RTEL1: variants seen among roughly 807,000 people sequenced by gnomAD.
RTEL1 encodes the protein regulator of telomere length.
RTEL1 carries 86 observed loss-of-function variants against 162.2 expected under a neutral mutation model. That is an observed-to-expected ratio of 0.53 (90% confidence interval 0.45 to 0.63). The LOEUF (loss-of-function observed/expected upper bound fraction) is 0.63, where lower values mean the gene tolerates loss of function less well. Ranked by LOEUF, RTEL1 falls within the 30% of genes least tolerant of loss-of-function variation. The pLI, the probability that RTEL1 is intolerant of heterozygous loss-of-function variation, is 0.00. For synonymous variants in RTEL1, 958 were observed against 717.9 expected, an observed-to-expected ratio of 1.33 and a Z score of -5.35; for missense variants, 1,941 against 1,750.2, an observed-to-expected ratio of 1.11 and a Z score of -1.95.
intron 30 of RTEL1, among the ~76,000 whole-genome samples, chr20:63,693,543 ACCACCACCACCTCCACCT>A (rs1568720764): frequency 1.8e-4 from 4 of 21,622 alleles, no homozygotes; most frequent in South Asian, 1.2e-3. Flanking sequence ...CACCACCACC[ACCACCACCACCTCCACCT>A]CCACCACCTC....
At chr20:63,687,853 C>G in intron 17 of RTEL1, 83 bp downstream of exon 17, 2 of 1,562,008 alleles carry the variant, frequency 1.3e-6, no homozygotes, top group African/African-American at 1.4e-5. Flanking sequence ...TCCCCATGAG[C>G]CGGGTGCTGG....
At chr20:63,689,022 C>T (rs776785087) in intron 21 of RTEL1, 33 bp from the exon 22 acceptor site, 8 of 1,575,134 alleles carry the variant, frequency 5.1e-6, no homozygotes, top group Non-Finnish European at 7.0e-6. Flanking sequence ...TGGGGGGGGG[C>T]TCCAGGCTCA....
chr20:63,672,559 C>A lies in RTEL1; in HGVS notation c.703C>A (p.Arg235Ser), dbSNP rs866782181. Residue 235 changes from arginine to serine, a missense_variant, in exon 9 of 35, where the codon CGC becomes AGC. Physicochemically the swap from Arg to Ser is moderately radical, Grantham distance 110 (BLOSUM62 -1). Transcript: ENST00000360203. ...GTCCCTTCTCTTCCTCCTGTAGAGC[C>A]GCAGAGCACACAACATTGACCTGAA... The part of the protein sequence containing the change: ...PYNYLLDAKS[R>S]RAHNIDLKGT... The A allele has an allele frequency of 6.3e-7, 1 of 1,578,810 alleles. No individual in the cohort carries two copies. Among genetic ancestry groups the A allele is most frequent in the Admixed American group, 1.8e-5 (1 of 55,324 alleles).
chr20:63,681,914 G>C (rs984117311), intron 14 of RTEL1: 1 of 985,278 alleles, frequency 1.0e-6, no homozygotes, highest in Non-Finnish European at 1.2e-6. Context: ...GCCTGCCAAG[G>C]GCTGCTGTGC....
Position 63,661,480 on chromosome 20 carries a change from T to C in RTEL1, c.285T>C (p.Ala95=). The change falls in exon 3 of 35, where the codon GCT becomes GCC. Residue 95 remains alanine, a synonymous_variant. Coordinates refer to ENST00000360203, the MANE Select transcript of RTEL1 (RefSeq NM_001283009.2). This position sits in a 1 kb window ranked among gnomAD's most constrained non-coding sequence, Gnocchi z 5.1. Reference sequence around the variant, plus strand: ...CATCCTGGGGCAACGCTGCTGCTGCTGCTGGAGACCCCATAGGTGACCCTA... The same window carrying C: ...CATCCTGGGGCAACGCTGCTGCTGCCGCTGGAGACCCCATAGGTGACCCTA... ...ALSSWGNAAA[A]AGDPIACYTD... The C allele has an allele frequency of 6.2e-7, 1 of 1,611,718 alleles. No homozygotes were observed. The highest frequency in any genetic ancestry group is 1.1e-5 in the South Asian group (1 of 91,066).
chr20:63,671,192 C>T (rs886095006), intron 8 of RTEL1, among the ~76,000 whole-genome samples: 1 of 152,172 alleles, frequency 6.6e-6, no homozygotes, highest in Non-Finnish European at 1.5e-5. Context: ...TTCCGAGTAG[C>T]TGGGACTACA....
At chr20:63,667,204 A>C (rs1285905422) in intron 7 of RTEL1, among the ~76,000 whole-genome samples, 7 of 151,916 alleles carry the variant, frequency 4.6e-5, no homozygotes, top group Admixed American at 4.6e-4. Flanking sequence ...GGTTGGTTTT[A>C]CTTTTCCATC....
chr20:63,693,100 G>C (rs2090799928), intron 29 of RTEL1, 43 bp from the exon 30 acceptor site: 2 of 1,611,868 alleles, frequency 1.2e-6, no homozygotes, highest in Non-Finnish European at 8.5e-7. Flanking sequence ...CTGTTCTCTA[G>C]AGAAAAAGGG....
intron 13 of RTEL1, 88 bp from the exon 14 acceptor site, chr20:63,680,576 C>A: frequency 7.0e-7 from 1 of 1,421,306 alleles, no homozygotes; most frequent in Non-Finnish European, 9.8e-7. Flanking sequence ...GGCAGTCGGG[C>A]TGAGCGGGCT....
rs756249274 is a variant in RTEL1, at chr20:63,692,990, C to A, written c.2838C>A (p.His946Gln). ...GPLFAEDPKK[H>Q]NLLQGFYQFV... ...TCTTTGCTGAGGACCCCAAGAAGCA[C>A]AACCTGCTCCAAGGTGCCCTGGCTT... The change falls in exon 29 of 35, where the codon CAC (histidine) becomes CAA (glutamine). Residue 946 changes from histidine (H) to glutamine (Q), a missense_variant. His to Gln is a conservative substitution (Grantham distance 24, BLOSUM62 0). Coordinates refer to ENST00000360203, the MANE Select transcript of RTEL1 (RefSeq NM_001283009.2). The A allele has an allele frequency of 2.5e-6, 4 of 1,612,596 alleles. No homozygotes were observed. Among genetic ancestry groups the A allele is most frequent in the Non-Finnish European group, 3.4e-6 (4 of 1,179,806 alleles).
Position 63,670,452 on chromosome 20 carries a change from A to G in RTEL1, c.700-2104A>G, listed in dbSNP as rs368250720. ...CCGGACAGACGTTTCACCAAGGTGG[A>G]TGGAATGACCAGTTGAGCACATGGA... is the stretch of plus-strand genomic sequence containing the variant. On this transcript the variant is annotated intron_variant, in intron 8 of 34. Transcript: ENST00000360203. Among the ~76,000 whole-genome samples the G allele has an allele frequency of 1.4e-4, 21 of 151,352 alleles. 1 individual carries two copies. Among genetic ancestry groups the G allele is most frequent in the African/African-American group, 4.1e-4 (17 of 41,120 alleles).
At chr20:63,667,241 A>G (rs1178684622) in intron 7 of RTEL1, among the ~76,000 whole-genome samples, 1 of 152,086 alleles carries the variant, frequency 6.6e-6, no homozygotes, top group Non-Finnish European at 1.5e-5. Context: ...GACGATTTAC[A>G]TGGTCGGAAA....
rs753525041 is a variant in RTEL1 at position 63,690,828 on chromosome 20, G to A, written c.2437G>A (p.Glu813Lys). Residue 813 changes from glutamate (E) to lysine (K), a missense_variant, in exon 27 of 35, where the codon GAG (glutamate) becomes AAG (lysine). Glu to Lys is a moderately conservative substitution (Grantham distance 56). Transcript: ENST00000360203. ...AGGGTCACCAGCTGCCGGGGACCCC[G>A]AGAGTAGCCTGTGTGTGGAGTATGA... ...SSGSPAAGDPESSLCVEYEQE... is the reference protein window; with the variant it reads ...SSGSPAAGDPKSSLCVEYEQE... The A allele has an allele frequency of 1.6e-5, 26 of 1,605,158 alleles. No homozygotes were observed. Among genetic ancestry groups the A allele is most frequent in the Admixed American group, 3.4e-5 (2 of 59,382 alleles).
Position 63,659,273 on chromosome 20 carries a change from C to G in RTEL1, c.-130C>G, listed in dbSNP as rs770615551. On this transcript the variant is annotated 5_prime_UTR_variant, in exon 2 of 35. Coordinates refer to ENST00000360203, the MANE Select transcript of RTEL1 (RefSeq NM_001283009.2). ...ATTCTCGAAGAGAACAGCGTTGTGT[C>G]CCAGTGCACATGCTCGCATCGCTTA... 5 of 687,102 alleles carry G rather than the reference C, an allele frequency of 7.3e-6. No individual in the cohort carries two copies. The highest frequency in any genetic ancestry group is 1.3e-5 in the Non-Finnish European group (5 of 372,134). 42.6% of individuals were successfully genotyped at this position (687,102 alleles called of 1,614,324 possible). A position where few individuals can be genotyped will look rare whatever the true frequency, so the allele number is the denominator to read the frequency against.
chr20:63,691,641 C>T, intron 27 of RTEL1, 101 bp from the exon 28 acceptor site: 1 of 1,030,898 alleles, frequency 9.7e-7, no homozygotes, highest in Non-Finnish European at 1.5e-6. Context: ...CATCTTGGCT[C>T]AGGGCTCCTT....
rs1463343470 is a variant in RTEL1, at chr20:63,679,888, T to G, written c.1077T>G (p.Phe359Leu). Residue 359 changes from phenylalanine (F) to leucine (L), a missense_variant, in exon 13 of 35, where the codon TTT (phenylalanine) becomes TTG (leucine). Physicochemically the swap from Phe to Leu is conservative, Grantham distance 22. Coordinates refer to ENST00000360203, the MANE Select transcript of RTEL1 (RefSeq NM_001283009.2). ...TGTTTGCTGAAGCCCAGATCACGTT[T>G]CAGACCAAGGGCTGCATCCTGGACT... ...FELFAEAQITFQTKGCILDSL... is the reference protein window; with the variant it reads ...FELFAEAQITLQTKGCILDSL... 2 of 1,612,104 alleles carry G rather than the reference T, an allele frequency of 1.2e-6. No homozygotes were observed. Among genetic ancestry groups the G allele is most frequent in the Non-Finnish European group, 1.7e-6 (2 of 1,180,004 alleles).
chr20:63,684,702 A>T (rs1209593616), intron 14 of RTEL1, among the ~76,000 whole-genome samples: 1 of 150,008 alleles, frequency 6.7e-6, no homozygotes, highest in Non-Finnish European at 1.5e-5. Flanking sequence ...CGAACTCCTG[A>T]CCTCAGGTGA....
intron 28 of RTEL1, 39 bp from the exon 29 acceptor site, chr20:63,692,766 A>G (rs1160381316): frequency 1.3e-6 from 2 of 1,580,192 alleles, no homozygotes; most frequent in Non-Finnish European, 1.7e-6. Flanking sequence ...CCAGATGATG[A>G]GGCTGGCCCT....
chr20:63,693,104 A>C (rs752481174), intron 29 of RTEL1, 39 bp from the exon 30 acceptor site: 62 of 1,611,772 alleles, frequency 3.8e-5, no homozygotes, highest in Middle Eastern at 3.3e-4. Flanking sequence ...TCTCTAGAGA[A>C]AAAGGGGCAG....
Sources: gnomAD v4.1 joint callset for allele counts (sites outside exome capture counted in the v4.1 genomes callset) on GRCh38, gnomAD v4.1.1 for gene constraint, Gnocchi (gnomAD v3.1) non-coding constraint, MANE v1.5 for transcripts, NCBI Gene and HGNC (gene_info 2026-07-23, HGNC 2026-07-21) for gene names.